OXSR1: variants seen among roughly 807,000 people sequenced by gnomAD.
OXSR1 encodes the protein oxidative stress responsive kinase 1, also known as serine/threonine-protein kinase OSR1.
In OXSR1, 24 loss-of-function variants were observed where a neutral mutation model predicts 79.8. The ratio of observed to expected loss-of-function variants is 0.30; its 90% CI spans 0.22 to 0.42. The LOEUF (loss-of-function observed/expected upper bound fraction) is 0.42, where lower values mean the gene tolerates loss of function less well. Among genes scored for constraint, OXSR1 ranks in the 10% least tolerant of loss-of-function variants. The pLI is 1.00. For missense variants in OXSR1, 430 were observed against 618.4 expected (o/e 0.70, Z 3.23); for synonymous variants, 226 against 209.2 (o/e 1.08, Z -0.69).
In OXSR1 at chr3:38,229,705, A is replaced by G. The variant is rs1470925249; in HGVS notation, c.855A>G (p.Leu285=). The change falls in exon 9 of 18, where the codon CTA becomes CTG. Residue 285 remains leucine, a synonymous_variant. Coordinates refer to ENST00000311806, the MANE Select transcript of OXSR1 (RefSeq NM_005109.3). Reference sequence around the variant, plus strand: ...GTTTTAGACCAACAGCAGCAGAACTATTAAGGCACAAATTTTTCCAGAAAG... The same window carrying G: ...GTTTTAGACCAACAGCAGCAGAACTGTTAAGGCACAAATTTTTCCAGAAAG... ...DPEKRPTAAE[L]LRHKFFQKAK... 6 of 1,612,260 alleles carry G rather than the reference A, an allele frequency of 3.7e-6. No homozygotes were observed. Among genetic ancestry groups the G allele is most frequent in the Non-Finnish European group, 5.1e-6 (6 of 1,179,058 alleles).
At chr3:38,197,082 C>G (rs34526340) in intron 3 of OXSR1, among the ~76,000 whole-genome samples, 280 of 152,306 alleles carry the variant, frequency 1.8e-3, no homozygotes, top group Non-Finnish European at 3.4e-3. Flanking sequence ...GGTATAATCA[C>G]TTTGCTTTGG....
At chr3:38,201,397 A>G (rs900936486) in intron 4 of OXSR1, among the ~76,000 whole-genome samples, 2 of 151,718 alleles carry the variant, frequency 1.3e-5, no homozygotes, top group Admixed American at 6.6e-5. Flanking sequence ...CCTTGTCTCT[A>G]CAAAAAAATT....
At chr3:38,247,961 G>T (rs1703178102) in intron 14 of OXSR1, among the ~76,000 whole-genome samples, 1 of 152,124 alleles carries the variant, frequency 6.6e-6, no homozygotes, top group African/African-American at 2.4e-5. Context: ...AGTTGTTTCT[G>T]TGCTAATTGG....
intron 3 of OXSR1, among the ~76,000 whole-genome samples, chr3:38,195,786 A>G (rs1466475889): frequency 6.6e-6 from 1 of 152,208 alleles, no homozygotes; most frequent in East Asian, 1.9e-4. Context: ...GTACAATTAA[A>G]GTTTTGCATT....
intron 10 of OXSR1, among the ~76,000 whole-genome samples, chr3:38,231,367 C>T (rs1274249781): frequency 6.6e-6 from 1 of 151,952 alleles, no homozygotes; most frequent in Non-Finnish European, 1.5e-5. Flanking sequence ...TGGACAATGT[C>T]ATCCCAAACC....
intron 1 of OXSR1, among the ~76,000 whole-genome samples, chr3:38,168,086 G>A (rs1453562659): frequency 6.6e-6 from 1 of 152,140 alleles, no homozygotes; most frequent in African/African-American, 2.4e-5. Context: ...GAGTCTCTCA[G>A]TCTTCTGGAT....
At chr3:38,243,313 T>C (rs1703073421) in intron 12 of OXSR1, among the ~76,000 whole-genome samples, 1 of 152,122 alleles carries the variant, frequency 6.6e-6, no homozygotes, top group South Asian at 2.1e-4. Context: ...TACAGGCATG[T>C]GCCAATGTGC....
intron 2 of OXSR1, 34 bp downstream of exon 2, chr3:38,183,149 TATACTC>T (rs1441547741): frequency 5.5e-6 from 6 of 1,082,934 alleles, no homozygotes; most frequent in African/African-American, 3.1e-5. Flanking sequence ...AATGGAGAGA[TATACTC>T]ATATATTCAC....
At chr3:38,199,786 T>C (rs1702130149) in intron 4 of OXSR1, among the ~76,000 whole-genome samples, 1 of 152,180 alleles carries the variant, frequency 6.6e-6, no homozygotes, top group Non-Finnish European at 1.5e-5. Flanking sequence ...TGGATTTCCT[T>C]GGGCCGGTTG....
chr3:38,229,838 G>T (rs1271469069), intron 9 of OXSR1, 103 bp downstream of exon 9: 3 of 870,942 alleles, frequency 3.4e-6, no homozygotes, highest in Non-Finnish European at 5.7e-6. Flanking sequence ...TTGGAAAAAT[G>T]ATGGTAGATA....
chr3:38,164,336 G>C (rs1052066616), upstream of OXSR1, among the ~76,000 whole-genome samples: 1 of 152,200 alleles, frequency 6.6e-6, no homozygotes, highest in Non-Finnish European at 1.5e-5. Context: ...AGTAGAGAGG[G>C]AGTTTCACCA....
chr3:38,242,533 T>C (rs1308307988), intron 11 of OXSR1, among the ~76,000 whole-genome samples: 1 of 152,222 alleles, frequency 6.6e-6, no homozygotes, highest in African/African-American at 2.4e-5. Context: ...AGTACATTGA[T>C]GTATTTGTTA....
intron 5 of OXSR1, among the ~76,000 whole-genome samples, chr3:38,220,523 A>G (rs945927634): frequency 4.6e-5 from 7 of 152,216 alleles, no homozygotes; most frequent in African/African-American, 1.7e-4. Flanking sequence ...TAAGAGCCTC[A>G]CTATATTAGT....
At chr3:38,234,423 T>TA (rs773789778) in intron 10 of OXSR1, among the ~76,000 whole-genome samples, 14 of 152,138 alleles carry the variant, frequency 9.2e-5, no homozygotes, top group Non-Finnish European at 1.6e-4. Flanking sequence ...AACACATTTT[T>TA]AAAAATGGGC....
chr3:38,252,531 G>A, intron 17 of OXSR1, 139 bp downstream of exon 17: 1 of 723,108 alleles, frequency 1.4e-6, no homozygotes, highest in Non-Finnish European at 2.5e-6. Context: ...CCAGTGCCCT[G>A]GGCTGATGTT....
intron 13 of OXSR1, among the ~76,000 whole-genome samples, chr3:38,247,418 A>G (rs1703164638): frequency 1.3e-5 from 2 of 152,260 alleles, no homozygotes; most frequent in African/African-American, 2.4e-5. Context: ...AAATGTGGCT[A>G]TATGTGAAAT....
At chr3:38,185,183 A>G (rs540694262) in intron 2 of OXSR1, among the ~76,000 whole-genome samples, 13 of 152,196 alleles carry the variant, frequency 8.5e-5, no homozygotes, top group Non-Finnish European at 1.5e-4. Flanking sequence ...ATTTGTCTTC[A>G]TTACATTTAA....
chr3:38,167,499 C>G (rs538916021), intron 1 of OXSR1, among the ~76,000 whole-genome samples: 2 of 152,338 alleles, frequency 1.3e-5, no homozygotes, highest in South Asian at 4.1e-4. Context: ...GACTTCCTAG[C>G]TGCCTTGGGG....
At chr3:38,164,246 C>T (rs1236611996), upstream of OXSR1, among the ~76,000 whole-genome samples, 1 of 152,084 alleles carries the variant, frequency 6.6e-6, no homozygotes, top group African/African-American at 2.4e-5. Context: ...GTCACTGCAA[C>T]CTTCGCCTCC....
Sources: gnomAD v4.1 joint callset for allele counts (sites outside exome capture counted in the v4.1 genomes callset) on GRCh38, gnomAD v4.1.1 for gene constraint, MANE v1.5 for transcripts, NCBI Gene and HGNC (gene_info 2026-07-23, HGNC 2026-07-21) for gene names.